MGAT5: variants seen among roughly 807,000 people sequenced by gnomAD.
The protein encoded by MGAT5 is alpha-1,6-mannosylglycoprotein 6-beta-N-acetylglucosaminyltransferase A.
Under a neutral mutation model 94.3 loss-of-function variants are expected in MGAT5, and 30 were observed. The ratio of observed to expected loss-of-function variants is 0.32; its 90% confidence interval spans 0.24 to 0.43. MGAT5 has a LOEUF of 0.43. Ranked by LOEUF, MGAT5 falls within the 20% of genes least tolerant of loss-of-function variation. MGAT5 has a pLI of 1.00. For missense variants in MGAT5, 691 were observed against 905.5 expected, an observed-to-expected ratio of 0.76 and a Z score of 3.04; for synonymous variants, 310 against 322.9, an observed-to-expected ratio of 0.96 and a Z score of 0.43.
rs559454136 is a variant in MGAT5 at position 134,263,954 on chromosome 2, A to C, written c.242-6432A>C. 3.7e-3 allele frequency among the ~76,000 whole-genome samples: 563 copies of C among 150,222 alleles called. 7 individuals are homozygous for C. Among genetic ancestry groups the C allele is most frequent in the African/African-American group, 0.013 (539 of 40,942 alleles). ...GATACGTACATGTGTGTATATGTGT[A>C]TATATGTACATGAATATATGCTTTT... On this transcript the variant is annotated intron_variant, in intron 1 of 15. Coordinates refer to ENST00000281923, the MANE Select transcript of MGAT5 (RefSeq NM_002410.5).
At chr2:134,189,461 A>T (rs1160447970) in intron 1 of MGAT5, among the ~76,000 whole-genome samples, 3 of 152,104 alleles carry the variant, frequency 2.0e-5, no homozygotes, top group Non-Finnish European at 4.4e-5. Flanking sequence ...AAAATATAAG[A>T]TGGTGGCCTG....
chr2:134,138,454 A>G (rs191939353), intron 1 of MGAT5, among the ~76,000 whole-genome samples: 46 of 152,316 alleles, frequency 3.0e-4, no homozygotes, highest in African/African-American at 1.1e-3. Flanking sequence ...GACAGAATTA[A>G]TTGTGCAGCT....
chr2:134,448,104 GA>G (rs1483757752), intron 15 of MGAT5, among the ~76,000 whole-genome samples: 1 of 152,248 alleles, frequency 6.6e-6, no homozygotes, highest in African/African-American at 2.4e-5. Flanking sequence ...GAACGTAAAT[GA>G]TGCTGAGCTT....
chr2:134,414,282 GC>G (rs1683843314), intron 12 of MGAT5, among the ~76,000 whole-genome samples: 2 of 151,980 alleles, frequency 1.3e-5, no homozygotes, highest in Non-Finnish European at 2.9e-5. Context: ...ACATCTGTGT[GC>G]TAGGTGCTGT....
rs558494484 is a variant in MGAT5, at chr2:134,171,776, G to A, written c.-143+51485G>A. On this transcript the variant is annotated intron_variant, in intron 1 of 16. Transcript: ENST00000409645. Reference sequence around the variant, plus strand: ...TATTCTAAAGTGGACATTGGAGGAGGCTCTGTTAAGCCATGTAAGTACTAT... The same window carrying A: ...TATTCTAAAGTGGACATTGGAGGAGACTCTGTTAAGCCATGTAAGTACTAT... Among the ~76,000 whole-genome samples the A allele has an allele frequency of 2.0e-5, 3 of 152,280 alleles. No individual in the cohort carries two copies. The South Asian group carries it at 6.2e-4, about 32-fold the overall frequency.
At chr2:134,292,475 T>C (rs1685432795) in intron 2 of MGAT5, among the ~76,000 whole-genome samples, 1 of 152,202 alleles carries the variant, frequency 6.6e-6, no homozygotes, top group Admixed American at 6.5e-5. Flanking sequence ...GGAGAACTGC[T>C]TTCTGTTGCC....
chr2:134,324,943 C>T (rs1401709074), intron 4 of MGAT5, among the ~76,000 whole-genome samples: 2 of 151,382 alleles, frequency 1.3e-5, no homozygotes, highest in Non-Finnish European at 2.9e-5. Context: ...TTATTGGTAT[C>T]TTTTTCATCT....
intron 1 of MGAT5, among the ~76,000 whole-genome samples, chr2:134,220,538 G>A (rs1680709624): frequency 6.6e-6 from 1 of 152,202 alleles, no homozygotes; most frequent in African/African-American, 2.4e-5. Flanking sequence ...GAGCTGATTT[G>A]TGATGGCTTA....
chr2:134,430,516 A>G (rs1684822142), intron 14 of MGAT5, among the ~76,000 whole-genome samples: 1 of 152,144 alleles, frequency 6.6e-6, no homozygotes, highest in African/African-American at 2.4e-5. Context: ...TGACAGAAAC[A>G]ATGAAGGAAG....
chr2:134,179,329 G>A (rs568929371), intron 1 of MGAT5, among the ~76,000 whole-genome samples: 16 of 152,172 alleles, frequency 1.1e-4, no homozygotes, highest in Admixed American at 2.6e-4. Flanking sequence ...TCATGCAGGC[G>A]TAAGTTGTAG....
chr2:134,431,838 G>A (rs1057507780), intron 14 of MGAT5, among the ~76,000 whole-genome samples: 1 of 152,188 alleles, frequency 6.6e-6, no homozygotes, highest in Non-Finnish European at 1.5e-5. Flanking sequence ...GTGTGCAGTT[G>A]AGCAGTCGCC....
chr2:134,127,952 A>AT lies in MGAT5; in HGVS notation c.-143+7671dup, dbSNP rs544346077. On this transcript the variant is annotated intron_variant, in intron 1 of 16. Coordinates refer to the MGAT5 transcript ENST00000409645. Reference sequence around the variant, plus strand: ...CATCTTTTAAAATCAGTCTGTGGACATTTTTTTTTTCCTCTTAGCACAGTT... The same window carrying AT: ...CATCTTTTAAAATCAGTCTGTGGACATTTTTTTTTTTCCTCTTAGCACAGTT... 1.8e-4 allele frequency among the ~76,000 whole-genome samples: 27 copies of AT among 149,072 alleles called. No individual in the cohort carries two copies. In the South Asian group the frequency reaches 2.3e-3, roughly 13 times the overall value.
At chr2:134,385,588 C>A (rs576632909) in intron 10 of MGAT5, among the ~76,000 whole-genome samples, 11 of 152,266 alleles carry the variant, frequency 7.2e-5, no homozygotes, top group African/African-American at 2.6e-4. Flanking sequence ...CTGGGGTGTT[C>A]AATCACAAGT....
chr2:134,197,459 CT>C (rs1405258194), intron 1 of MGAT5, among the ~76,000 whole-genome samples: 75 of 152,304 alleles, frequency 4.9e-4, no homozygotes, highest in African/African-American at 1.8e-3. Context: ...TCAGGTGGAT[CT>C]AGCACTTAAA....
intron 11 of MGAT5, among the ~76,000 whole-genome samples, chr2:134,412,028 C>CA (rs1391287443): frequency 1.3e-5 from 2 of 152,220 alleles, no homozygotes; most frequent in African/African-American, 4.8e-5. Context: ...GAAGTACACC[C>CA]ACTGTGATGG....
At chr2:134,121,870 G>A (rs1361889640) in intron 1 of MGAT5, among the ~76,000 whole-genome samples, 3 of 152,130 alleles carry the variant, frequency 2.0e-5, no homozygotes, top group Non-Finnish European at 4.4e-5. Context: ...GTTAATCTCT[G>A]TGTCATGCAC....
At chr2:134,318,442 C>T (rs944073006) in intron 3 of MGAT5, among the ~76,000 whole-genome samples, 4 of 152,182 alleles carry the variant, frequency 2.6e-5, no homozygotes, top group Admixed American at 6.5e-5. Flanking sequence ...TGAGGCCTAA[C>T]GTAAGCCAGT....
At chr2:134,395,035 G>A (rs1682627964) in intron 10 of MGAT5, among the ~76,000 whole-genome samples, 1 of 152,206 alleles carries the variant, frequency 6.6e-6, no homozygotes, top group Non-Finnish European at 1.5e-5. Context: ...GCTCTTGGAG[G>A]AGTTTGCTGA....
At chr2:134,165,692 G>A (rs947451907) in intron 1 of MGAT5, among the ~76,000 whole-genome samples, 4 of 151,932 alleles carry the variant, frequency 2.6e-5, no homozygotes, top group African/African-American at 4.8e-5. Flanking sequence ...GGAGAATGGC[G>A]TGAACCCGGG....
Sources: allele counts gnomAD v4.1 joint callset (sites outside exome capture counted in the v4.1 genomes callset), GRCh38; gene constraint gnomAD v4.1.1; transcripts MANE v1.5; gene names NCBI Gene and HGNC (gene_info 2026-07-23, HGNC 2026-07-21).